SYTL2: variants seen among roughly 807,000 people sequenced by gnomAD.
SYTL2 encodes synaptotagmin like 2.
Under a neutral mutation model 198.7 loss-of-function variants are expected in SYTL2, and 165 were observed. The ratio of observed to expected loss-of-function variants is 0.83; its 90% CI spans 0.73 to 0.94. The LOEUF (loss-of-function observed/expected upper bound fraction) is 0.94. SYTL2 is among the 40% of genes least tolerant of loss of function. The pLI is 0.00. For missense variants in SYTL2, 2,835 were observed against 2,582.8 expected (o/e 1.10, Z -2.12); for synonymous variants, 966 against 917.7 (o/e 1.05, Z -0.95).
the SYTL2 span, among the ~76,000 whole-genome samples, chr11:85,843,734 G>T: frequency 6.6e-6 from 1 of 152,172 alleles, no homozygotes; most frequent in Non-Finnish European, 1.5e-5. Context: ...CTACAAGGAA[G>T]AATTAACATT....
chr11:85,733,971 C>A lies in SYTL2; in HGVS notation c.1358G>T (p.Arg453Met). 6.2e-7 allele frequency: 1 copy of A among 1,614,100 alleles called. No homozygotes were observed. The highest frequency in any genetic ancestry group is 8.5e-7 in the Non-Finnish European group (1 of 1,179,952). The change falls in exon 7 of 20, where the codon AGG becomes ATG. Residue 453 changes from arginine (R) to methionine (M), a missense_variant. Coordinates refer to ENST00000359152, the MANE Select transcript of SYTL2 (RefSeq NM_206927.4). ...GCTTCTGGGTAATACAGATTCAAGC[C>A]TTGTTAATTCTGATGATTTATCTTT... ...EPKDKSSELT[R>M]LESVLPRSPA...
intron 17 of SYTL2, 34 bp from the exon 18 acceptor site, chr11:85,698,112 C>T (rs774639544): frequency 1.4e-6 from 2 of 1,451,554 alleles, no homozygotes; most frequent in Non-Finnish European, 1.9e-6. Context: ...ATTTTCACTG[C>T]CAGTTCTCCC....
the SYTL2 span, among the ~76,000 whole-genome samples, chr11:85,834,157 A>T: frequency 0.015 from 2,353 of 152,288 alleles, 56 homozygotes; most frequent in African/African-American, 0.054. Flanking sequence ...TAGAATCAGA[A>T]CTACAAATAC....
At chr11:85,813,990 G>A (rs1389635956), upstream of SYTL2, among the ~76,000 whole-genome samples, 3 of 152,182 alleles carry the variant, frequency 2.0e-5, no homozygotes, top group Non-Finnish European at 4.4e-5. Flanking sequence ...TTACGGGCGT[G>A]AGCCACTGCA....
the SYTL2 span, among the ~76,000 whole-genome samples, chr11:85,849,385 T>G: frequency 0.015 from 2,314 of 152,240 alleles, 54 homozygotes; most frequent in African/African-American, 0.051. Flanking sequence ...TCCTGAATGG[T>G]AATGCCTAGG....
At chr11:85,852,361 CCCCTCT>C in the SYTL2 span, among the ~76,000 whole-genome samples, 459 of 152,116 alleles carry the variant, frequency 3.0e-3, 3 homozygotes, top group Non-Finnish European at 4.4e-3. Flanking sequence ...CCTCCCCCTC[CCCCTCT>C]CCCTCTCCCC....
intron 2 of SYTL2, among the ~76,000 whole-genome samples, chr11:85,756,828 C>A (rs2091894608): frequency 6.6e-6 from 1 of 152,148 alleles, no homozygotes; most frequent in South Asian, 2.1e-4. Flanking sequence ...GGTCCTGTGT[C>A]CCAGGAAGTA....
At chr11:85,847,729 G>A in the SYTL2 span, among the ~76,000 whole-genome samples, 1 of 152,140 alleles carries the variant, frequency 6.6e-6, no homozygotes, top group South Asian at 2.1e-4. Context: ...TAATGATATT[G>A]AGCATCTTTT....
At chr11:85,844,164 CT>C in the SYTL2 span, among the ~76,000 whole-genome samples, 1 of 152,214 alleles carries the variant, frequency 6.6e-6, no homozygotes, top group South Asian at 2.1e-4. Context: ...CGTGTAAGCC[CT>C]AGCTGAAGCC....
intron 10 of SYTL2, chr11:85,718,118 C>T (rs983176692): frequency 2.4e-5 from 4 of 169,360 alleles, no homozygotes; most frequent in African/African-American, 7.2e-5. Flanking sequence ...ATCCAGCATG[C>T]AAATACAAAT....
chr11:85,774,853 T>G (rs1591990721), intron 1 of SYTL2, among the ~76,000 whole-genome samples: 1 of 152,192 alleles, frequency 6.6e-6, no homozygotes, highest in African/African-American at 2.4e-5. Context: ...GCCTGTGCCC[T>G]GCCTAGAGCA....
chr11:85,808,162 G>C (rs2092984756), intron 1 of SYTL2, among the ~76,000 whole-genome samples: 1 of 152,108 alleles, frequency 6.6e-6, no homozygotes, highest in South Asian at 2.1e-4. Context: ...CGCCTCCCGG[G>C]TTCAAGAGAT....
At chr11:85,732,720 T>C (rs530862142) in intron 7 of SYTL2, among the ~76,000 whole-genome samples, 3 of 152,288 alleles carry the variant, frequency 2.0e-5, no homozygotes, top group Non-Finnish European at 4.4e-5. Context: ...TCTTCACATG[T>C]ATCCCAGAAC....
the SYTL2 span, among the ~76,000 whole-genome samples, chr11:85,849,395 G>C: frequency 0.092 from 14,051 of 152,182 alleles, 882 homozygotes; most frequent in Non-Finnish European, 0.14. Context: ...TAATGCCTAG[G>C]TTTTCTTCTA....
intron 2 of SYTL2, among the ~76,000 whole-genome samples, chr11:85,749,121 T>C (rs2091357319): frequency 6.6e-6 from 1 of 152,182 alleles, no homozygotes; most frequent in East Asian, 1.9e-4. Flanking sequence ...TTCACAATTA[T>C]TCATGCTTAC....
chr11:85,820,091 A>G, the SYTL2 span, among the ~76,000 whole-genome samples: 6,116 of 152,298 alleles, frequency 0.04, 150 homozygotes, highest in African/African-American at 0.068. Flanking sequence ...ATCAATGCCT[A>G]TTTGAAATTT....
intron 2 of SYTL2, among the ~76,000 whole-genome samples, chr11:85,753,364 A>G (rs2091664051): frequency 6.6e-6 from 1 of 152,082 alleles, no homozygotes; most frequent in African/African-American, 2.4e-5. Flanking sequence ...GTAGCGATAC[A>G]TGGTAATAAC....
In SYTL2 at chr11:85,726,507, G is replaced by A. The variant is rs1192352910; in HGVS notation, c.2851C>T (p.Leu951=). ...RHAPLEKDRP[L]VRESNANFKV... ...AAGTTGGCATTTGATTCACGAACTA[G>A]AGGTCTGTCTTTCTCCAATGGAGCA... The change falls in exon 8 of 20, where the codon CTA becomes TTA. Residue 951 remains leucine (L), a synonymous_variant. Coordinates refer to ENST00000359152, the MANE Select transcript of SYTL2 (RefSeq NM_206927.4). 6.2e-7 allele frequency: 1 copy of A among 1,606,188 alleles called. No individual in the cohort carries two copies. Among genetic ancestry groups the A allele is most frequent in the African/African-American group, 1.3e-5 (1 of 74,928 alleles).
At chr11:85,782,480 TC>T (rs2092576987) in intron 1 of SYTL2, among the ~76,000 whole-genome samples, 1 of 152,252 alleles carries the variant, frequency 6.6e-6, no homozygotes. Context: ...ATTTGGTTCC[TC>T]ATTACTTATG....
Sources: gnomAD v4.1 joint callset for allele counts (sites outside exome capture counted in the v4.1 genomes callset) on GRCh38, gnomAD v4.1.1 for gene constraint, MANE v1.5 for transcripts, NCBI Gene and HGNC (gene_info 2026-07-23, HGNC 2026-07-21) for gene names.